SMAD5: variants seen among roughly 807,000 people sequenced by gnomAD.
SMAD5 encodes the protein MAD, mothers against decapentaplegic homolog 5.
Under a neutral mutation model 43.1 loss-of-function variants are expected in SMAD5, and 9 were observed. The observed-to-expected ratio is 0.21, with a 90% CI of 0.13 to 0.36. The LOEUF is 0.36. Ranked by LOEUF, SMAD5 falls within the 10% of genes least tolerant of loss-of-function variation. The pLI, the probability that SMAD5 is intolerant of heterozygous loss-of-function variation, is 1.00. For missense variants in SMAD5, 348 were observed against 574.0 expected, an observed-to-expected ratio of 0.61 and a Z score of 4.02; for synonymous variants, 190 against 192.4, an observed-to-expected ratio of 0.99 and a Z score of 0.10.
chr5:136,143,373 C>T (rs1753150730), intron 1 of SMAD5, among the ~76,000 whole-genome samples: 1 of 151,318 alleles, frequency 6.6e-6, no homozygotes, highest in South Asian at 2.1e-4. Context: ...CTTACTTGGT[C>T]CTTTGTTGTT....
chr5:136,156,679 G>A (rs550695798), intron 3 of SMAD5, among the ~76,000 whole-genome samples: 3 of 152,162 alleles, frequency 2.0e-5, no homozygotes, highest in Non-Finnish European at 4.4e-5. Flanking sequence ...CTATTTGCTA[G>A]GAGGGAGTCT....
chr5:136,169,039 GAGGAACA>G (rs941826294), intron 5 of SMAD5, among the ~76,000 whole-genome samples: 1 of 152,170 alleles, frequency 6.6e-6, no homozygotes, highest in Non-Finnish European at 1.5e-5. Flanking sequence ...TCTGCAAGTT[GAGGAACA>G]AGGAAGCCAG....
chr5:136,171,565 C>G (rs115029685), intron 5 of SMAD5, among the ~76,000 whole-genome samples: 1 of 152,178 alleles, frequency 6.6e-6, no homozygotes, highest in Non-Finnish European at 1.5e-5. Flanking sequence ...CCCATCATCA[C>G]TCCCTTATTT....
At chr5:136,160,789 C>G in intron 3 of SMAD5, 67 bp from the exon 4 acceptor site, 1 of 1,515,654 alleles carries the variant, frequency 6.6e-7, no homozygotes, top group Non-Finnish European at 9.1e-7. Flanking sequence ...TTCTACCAAC[C>G]CCTTAGTGTG....
At chr5:136,143,823 T>C (rs1366181501) in intron 1 of SMAD5, among the ~76,000 whole-genome samples, 1 of 152,042 alleles carries the variant, frequency 6.6e-6, no homozygotes, top group African/African-American at 2.4e-5. Flanking sequence ...ACCAGCTGTT[T>C]TTTTTGCACA....
At chr5:136,155,793 C>T (rs1456195122) in intron 3 of SMAD5, among the ~76,000 whole-genome samples, 1 of 152,212 alleles carries the variant, frequency 6.6e-6, no homozygotes, top group Admixed American at 6.5e-5. Flanking sequence ...CTGACATGAG[C>T]AGAGTCTTCC....
chr5:136,138,073 G>A (rs9327744), intron 1 of SMAD5, among the ~76,000 whole-genome samples: 26,167 of 152,196 alleles, frequency 0.17, 2,297 homozygotes, highest in Non-Finnish European at 0.2. Context: ...AACACATCTG[G>A]TAGCAATGTA....
At chr5:136,166,351 A>G (rs1469256479) in intron 5 of SMAD5, among the ~76,000 whole-genome samples, 1 of 152,124 alleles carries the variant, frequency 6.6e-6, no homozygotes, top group Non-Finnish European at 1.5e-5. Context: ...TGTTTGTGAT[A>G]ATACTGAATG....
intron 7 of SMAD5, among the ~76,000 whole-genome samples, chr5:136,174,867 A>G (rs1754359591): frequency 6.6e-6 from 1 of 152,222 alleles, no homozygotes; most frequent in Admixed American, 6.5e-5. Context: ...GATATTGAAT[A>G]GGGGCTGAGA....
intron 1 of SMAD5, among the ~76,000 whole-genome samples, chr5:136,136,216 C>T (rs1020855856): frequency 4.6e-5 from 7 of 152,196 alleles, no homozygotes; most frequent in Non-Finnish European, 8.8e-5. Context: ...CTAGCTCTGT[C>T]GCCCAATCTG....
chr5:136,133,167 C>A (rs1030824217), intron 1 of SMAD5: 1 of 152,404 alleles, frequency 6.6e-6, no homozygotes, highest in Non-Finnish European at 1.5e-5. Context: ...GCGGAGGCCT[C>A]GCTGGCTGCC....
rs1418720613 is a variant in SMAD5 at position 136,181,106 on chromosome 5, C to T, written c.*3626C>T. 1 of 152,096 alleles carries T rather than the reference C, an allele frequency of 6.6e-6. No individual in the cohort carries two copies. The highest frequency in any genetic ancestry group is 1.5e-5 in the Non-Finnish European group (1 of 67,960). The allele number at this position is 152,096 out of a possible 1,614,324, so 9.4% of individuals were successfully genotyped here. On this transcript the variant is annotated 3_prime_UTR_variant, in exon 8 of 8. Transcript: ENST00000545279. ...GCTGTACTTCTGTGATAGAGAACATCTGATGTACCAATTTAGATCTATTTC... is the reference window on the plus strand; with the variant it reads ...GCTGTACTTCTGTGATAGAGAACATTTGATGTACCAATTTAGATCTATTTC...
At chr5:136,150,767 T>G (rs1434342620) in intron 2 of SMAD5, among the ~76,000 whole-genome samples, 1 of 152,068 alleles carries the variant, frequency 6.6e-6, no homozygotes, top group Admixed American at 6.6e-5. Context: ...TTGGTTCGTC[T>G]TCTTTCTGAA....
At chr5:136,172,821 G>A in intron 6 of SMAD5, 166 bp downstream of exon 6, 1 of 596,244 alleles carries the variant, frequency 1.7e-6, no homozygotes. Flanking sequence ...AAGACATGAT[G>A]TTCCCTCATT....
intron 5 of SMAD5, among the ~76,000 whole-genome samples, chr5:136,169,606 A>G (rs1053097945): frequency 6.6e-6 from 1 of 152,178 alleles, no homozygotes; most frequent in African/African-American, 2.4e-5. Flanking sequence ...CAGATTTTTT[A>G]TGTGGATATA....
At chr5:136,164,217 A>T (rs1340291512) in intron 5 of SMAD5, among the ~76,000 whole-genome samples, 1 of 152,110 alleles carries the variant, frequency 6.6e-6, no homozygotes, top group Non-Finnish European at 1.5e-5. Flanking sequence ...CAAAAATCGC[A>T]TGTAAGTCTT....
rs986001653 is a variant in SMAD5, at chr5:136,147,856, A to G, written c.-220A>G. 2 of 151,750 alleles carry G rather than the reference A, an allele frequency of 1.3e-5. No individual in the cohort carries two copies. Among genetic ancestry groups the G allele is most frequent in the African/African-American group, 4.8e-5 (2 of 41,368 alleles). 9.4% of individuals were successfully genotyped at this position (151,750 alleles called of 1,614,324 possible). A position where few individuals can be genotyped will look rare whatever the true frequency, so the allele number is the denominator to read the frequency against. On this transcript the variant is annotated 5_prime_UTR_variant, in exon 2 of 8. Transcript: ENST00000545279. ...GAAAGGAAGCTGTTGAAGTTATTGA[A>G]GTACCTGTTGCTATATTCTAAGAAA... is the stretch of plus-strand genomic sequence containing the variant.
rs186860894 is a variant in SMAD5 at position 136,180,796 on chromosome 5, A to G, written c.*3316A>G. Reference sequence around the variant, plus strand: ...TAGACAGTTCAACAAGCCACATCTAATGGCACAGATAGAGGATGTAGCTAT... The same window carrying G: ...TAGACAGTTCAACAAGCCACATCTAGTGGCACAGATAGAGGATGTAGCTAT... On this transcript the variant is annotated 3_prime_UTR_variant, in exon 8 of 8. Coordinates refer to ENST00000545279, the MANE Select transcript of SMAD5 (RefSeq NM_005903.7). 189 of 152,290 alleles carry G rather than the reference A, an allele frequency of 1.2e-3. No homozygotes were observed. The highest frequency in any genetic ancestry group is 4.1e-3 in the African/African-American group (171 of 41,578). The allele number at this position is 152,290 out of a possible 1,614,324, so 9.4% of individuals were successfully genotyped here. A position where few individuals can be genotyped will look rare whatever the true frequency, so the allele number is the denominator to read the frequency against.
intron 1 of SMAD5, chr5:136,134,117 A>T (rs1752791416): frequency 6.8e-6 from 1 of 146,832 alleles, no homozygotes; most frequent in Admixed American, 7.2e-5. Flanking sequence ...CGCTAAGTAT[A>T]TCTTGTTTAC....
Sources: allele counts gnomAD v4.1 joint callset (sites outside exome capture counted in the v4.1 genomes callset), GRCh38; gene constraint gnomAD v4.1.1; transcripts MANE v1.5; gene names NCBI Gene and HGNC (gene_info 2026-07-23, HGNC 2026-07-21).